CDH22: variants seen among roughly 807,000 people sequenced by gnomAD.
CDH22 encodes cadherin 22.
Under a neutral mutation model 58.4 loss-of-function variants are expected in CDH22, and 30 were observed. That is an observed-to-expected ratio of 0.51 (90% confidence interval 0.38 to 0.70). The LOEUF (loss-of-function observed/expected upper bound fraction) is 0.70, where lower values mean the gene tolerates loss of function less well. CDH22 is among the 30% of genes least tolerant of loss of function. CDH22 has a pLI of 0.00. For synonymous variants in CDH22, 513 were observed against 558.2 expected (o/e 0.92, Z 1.14); for missense variants, 1,014 against 1,233.9 (o/e 0.82, Z 2.67).
chr20:46,201,590 G>A (rs1277949165), intron 7 of CDH22, among the ~76,000 whole-genome samples: 1 of 152,142 alleles, frequency 6.6e-6, no homozygotes, highest in Non-Finnish European at 1.5e-5. Flanking sequence ...CCCACATTGT[G>A]GTGTTAGAGG....
In CDH22 at chr20:46,302,825, G is replaced by T. The variant is rs115587329; in HGVS notation, c.-400+5430C>A. On this transcript the variant is annotated intron_variant, in intron 1 of 11. Transcript: ENST00000537909. ...TGAAAGCCCTTCTCCTCTTCATTTCGCATCTTCACAACCCACACAGCCTCC... is the reference window on the plus strand; with the variant it reads ...TGAAAGCCCTTCTCCTCTTCATTTCTCATCTTCACAACCCACACAGCCTCC... Among the ~76,000 whole-genome samples, 1,165 of 151,928 alleles carry T rather than the reference G, an allele frequency of 7.7e-3. 13 individuals are homozygous for T. The highest frequency in any genetic ancestry group is 0.027 in the African/African-American group (1,097 of 41,368).
At chr20:46,194,326 C>T (rs1476321499) in intron 8 of CDH22, among the ~76,000 whole-genome samples, 2 of 152,206 alleles carry the variant, frequency 1.3e-5, no homozygotes, top group East Asian at 3.9e-4. Flanking sequence ...GCAGGAGAAA[C>T]TGAGCACTCT....
chr20:46,307,558 C>T (rs1365934061), intron 1 of CDH22, among the ~76,000 whole-genome samples: 2 of 152,182 alleles, frequency 1.3e-5, no homozygotes, highest in African/African-American at 4.8e-5. Flanking sequence ...CGCTGGCTCT[C>T]GCTCACCGCC....
intron 1 of CDH22, among the ~76,000 whole-genome samples, chr20:46,292,442 T>C (rs1396979724): frequency 1.3e-5 from 2 of 152,210 alleles, no homozygotes; most frequent in African/African-American, 2.4e-5. Flanking sequence ...ACTGTGGGAC[T>C]CCAGGCACAG....
At chr20:46,179,004 C>T (rs954110121) in intron 10 of CDH22, among the ~76,000 whole-genome samples, 11 of 152,208 alleles carry the variant, frequency 7.2e-5, no homozygotes, top group African/African-American at 2.2e-4. Flanking sequence ...AGCCTGTCAC[C>T]GGGGAAGCCA....
intron 3 of CDH22, among the ~76,000 whole-genome samples, chr20:46,236,817 G>A (rs1600710674): frequency 2.0e-5 from 3 of 151,386 alleles, no homozygotes; most frequent in South Asian, 2.1e-4. Context: ...TCAGCCTCCC[G>A]AGTAGCTGGG....
intron 7 of CDH22, among the ~76,000 whole-genome samples, chr20:46,200,267 GC>G (rs1211457322): frequency 3.3e-5 from 5 of 151,424 alleles, no homozygotes; most frequent in Non-Finnish European, 7.4e-5. Flanking sequence ...GAGCGACCGC[GC>G]CCGGCCCTCT....
rs1040353472 is a variant in CDH22, at chr20:46,186,876, G to C, written c.1495C>G (p.Leu499Val). 6.2e-7 allele frequency: 1 copy of C among 1,612,344 alleles called. No homozygotes were observed. Among genetic ancestry groups the C allele is most frequent in the Non-Finnish European group, 8.5e-7 (1 of 1,179,154 alleles). Residue 499 changes from leucine (L) to valine (V), a missense_variant, in exon 9 of 12, where the codon CTG becomes GTG. Physicochemically the swap from Leu to Val is conservative, Grantham distance 32 (BLOSUM62 1). Transcript: ENST00000537909. ...ACAGCTGCCTCGTAGGGTGTGGCCAGTTCTGGGGGATTGTCGTTCACATCC... is the reference window on the plus strand; with the variant it reads ...ACAGCTGCCTCGTAGGGTGTGGCCACTTCTGGGGGATTGTCGTTCACATCC... ...ILDVNDNPPE[L>V]ATPYEAAVCE...
chr20:46,187,099 T>C (rs1444184755), intron 8 of CDH22, 152 bp from the exon 9 acceptor site: 3 of 711,846 alleles, frequency 4.2e-6, no homozygotes, highest in African/African-American at 1.8e-5. Flanking sequence ...CTGGGAACAT[T>C]TGGGCATAAG....
intron 1 of CDH22, among the ~76,000 whole-genome samples, chr20:46,284,344 A>C (rs2086566494): frequency 1.3e-5 from 2 of 152,228 alleles, no homozygotes; most frequent in African/African-American, 4.8e-5. Context: ...CCCTGGCTGG[A>C]AGAAGCGGTT....
Position 46,227,635 on chromosome 20 carries a change from C to A in CDH22, c.551-8G>T, listed in dbSNP as rs1309170636. ...CCTGCATCACCGACGTGCCTGGGCC[C>A]GGGGGACCAAGCGAGACAGGGGTCA... On this transcript the variant is annotated splice_polypyrimidine_tract_variant and splice_region_variant and intron_variant, in intron 3 of 11. Coordinates refer to ENST00000537909, the MANE Select transcript of CDH22 (RefSeq NM_021248.3). 4 of 1,608,178 alleles carry A rather than the reference C, an allele frequency of 2.5e-6. No individual in the cohort carries two copies. Among genetic ancestry groups the A allele is most frequent in the Non-Finnish European group, 3.4e-6 (4 of 1,177,898 alleles).
At chr20:46,286,351 C>A (rs921268530) in intron 1 of CDH22, among the ~76,000 whole-genome samples, 1 of 152,128 alleles carries the variant, frequency 6.6e-6, no homozygotes, top group South Asian at 2.1e-4. Context: ...GGCCCTCAAG[C>A]CTTATTCCCC....
intron 7 of CDH22, among the ~76,000 whole-genome samples, chr20:46,207,303 A>AG (rs1226023850): frequency 6.6e-6 from 1 of 152,092 alleles, no homozygotes; most frequent in Non-Finnish European, 1.5e-5. Context: ...GAGGACTGAG[A>AG]GGGGGTGTGG....
chr20:46,204,913 G>T (rs1272916102), intron 7 of CDH22, among the ~76,000 whole-genome samples: 1 of 152,146 alleles, frequency 6.6e-6, no homozygotes, highest in Admixed American at 6.5e-5. Flanking sequence ...AAGGCTGCAG[G>T]CTTATGCACA....
At chr20:46,237,645 C>CA (rs1207998553) in intron 3 of CDH22, among the ~76,000 whole-genome samples, 14 of 152,154 alleles carry the variant, frequency 9.2e-5, no homozygotes, top group Non-Finnish European at 2.1e-4. Flanking sequence ...GAGTCCCCCC[C>CA]ACTCCCGACA....
chr20:46,240,322 G>T (rs576161848), intron 3 of CDH22, among the ~76,000 whole-genome samples: 6 of 152,200 alleles, frequency 3.9e-5, no homozygotes, highest in African/African-American at 1.4e-4. Flanking sequence ...CCTGCCTGGG[G>T]TTGTGTGTGG....
intron 1 of CDH22, among the ~76,000 whole-genome samples, chr20:46,288,233 C>G (rs1054696649): frequency 1.3e-5 from 2 of 152,060 alleles, no homozygotes; most frequent in Non-Finnish European, 2.9e-5. Flanking sequence ...CTCCAATATC[C>G]CCTCCAATAT....
intron 10 of CDH22, among the ~76,000 whole-genome samples, chr20:46,181,752 C>CTTCTTTCTTGCTTTCTTTCTTTCTTTCT (rs2085788957): frequency 3.8e-5 from 1 of 26,272 alleles, no homozygotes; most frequent in Non-Finnish European, 8.3e-5. Flanking sequence ...TCCTTCCTTC[C>CTTCTTTCTTGCTTTCTTTCTTTCTTTCT]TTCTTTCTTT....
chr20:46,269,703 C>G (rs986910713), intron 1 of CDH22, among the ~76,000 whole-genome samples: 2 of 152,194 alleles, frequency 1.3e-5, no homozygotes, highest in African/African-American at 2.4e-5. Flanking sequence ...GAGGAGCCAG[C>G]CTGCCAGGGA....
Sources: allele counts gnomAD v4.1 joint callset (sites outside exome capture counted in the v4.1 genomes callset), GRCh38; gene constraint gnomAD v4.1.1; transcripts MANE v1.5; gene names NCBI Gene and HGNC (gene_info 2026-07-23, HGNC 2026-07-21).